Variants in KCNIP4 observed in about 807,000 individuals in gnomAD.
KCNIP4 encodes the protein Kv channel-interacting protein 4.
A neutral mutation model predicts 34.0 loss-of-function variants in KCNIP4; 12 were observed. That is an observed-to-expected ratio of 0.35 (90% CI 0.23 to 0.57). The LOEUF (loss-of-function observed/expected upper bound fraction) is 0.57, where lower values mean the gene tolerates loss of function less well. Ranked by LOEUF, KCNIP4 falls within the 20% of genes least tolerant of loss-of-function variation. The pLI, the probability that KCNIP4 is intolerant of heterozygous loss-of-function variation, is 0.83. For missense variants in KCNIP4, 238 were observed against 311.7 expected (o/e 0.76, Z 1.78); for synonymous variants, 124 against 102.2 (o/e 1.21, Z -1.29).
intron 1 of KCNIP4, among the ~76,000 whole-genome samples, chr4:21,244,620 A>C (rs1266886735): frequency 6.6e-6 from 1 of 152,240 alleles, no homozygotes; most frequent in Non-Finnish European, 1.5e-5. Context: ...AAGCTGAGAC[A>C]TAGAATATTA....
chr4:21,073,243 G>A (rs1403311243), intron 1 of KCNIP4, among the ~76,000 whole-genome samples: 2 of 152,080 alleles, frequency 1.3e-5, no homozygotes, highest in African/African-American at 4.8e-5. Flanking sequence ...GGGCAGTATG[G>A]CCATTTTCAT....
chr4:21,224,697 C>T (rs1411813030), intron 1 of KCNIP4, among the ~76,000 whole-genome samples: 1 of 147,336 alleles, frequency 6.8e-6, no homozygotes, highest in East Asian at 2.0e-4. Flanking sequence ...AGCAATTCTC[C>T]TGCCTCAGCC....
chr4:20,975,502 AT>A (rs1487084049), intron 1 of KCNIP4, among the ~76,000 whole-genome samples: 1 of 152,176 alleles, frequency 6.6e-6, no homozygotes, highest in African/African-American at 2.4e-5. Context: ...TATAACAACT[AT>A]CTAAGTTGGT....
chr4:21,597,519 G>T (rs1368268961), intron 1 of KCNIP4, among the ~76,000 whole-genome samples: 1 of 152,120 alleles, frequency 6.6e-6, no homozygotes, highest in Non-Finnish European at 1.5e-5. Flanking sequence ...ATGAAAGCCA[G>T]GCTTGTCTCA....
chr4:21,604,689 C>T (rs557201431), intron 1 of KCNIP4, among the ~76,000 whole-genome samples: 1 of 152,262 alleles, frequency 6.6e-6, no homozygotes, highest in South Asian at 2.1e-4. Context: ...TTTACACGGA[C>T]TACCTCTGAA....
intron 1 of KCNIP4, among the ~76,000 whole-genome samples, chr4:20,970,104 G>A (rs1322389231): frequency 2.6e-5 from 4 of 152,130 alleles, no homozygotes; most frequent in Non-Finnish European, 4.4e-5. Flanking sequence ...ACCACGCCCG[G>A]CTAATTTTTT....
chr4:21,873,629 A>T (rs1371957901), intron 1 of KCNIP4, among the ~76,000 whole-genome samples: 1 of 152,222 alleles, frequency 6.6e-6, no homozygotes, highest in African/African-American at 2.4e-5. Flanking sequence ...ATGAGACTAA[A>T]CATTTAGGAC....
chr4:21,249,656 TGGA>T (rs1760544948), intron 1 of KCNIP4, among the ~76,000 whole-genome samples: 1 of 152,018 alleles, frequency 6.6e-6, no homozygotes, highest in Non-Finnish European at 1.5e-5. Flanking sequence ...TGCTCAGCAG[TGGA>T]GGAGTTTCAA....
At chr4:21,131,771 G>A (rs1297889876) in intron 1 of KCNIP4, among the ~76,000 whole-genome samples, 1 of 152,108 alleles carries the variant, frequency 6.6e-6, no homozygotes. Flanking sequence ...AGTACACTTT[G>A]GATATGTATA....
intron 1 of KCNIP4, among the ~76,000 whole-genome samples, chr4:21,407,430 A>G (rs1218852421): frequency 6.6e-6 from 1 of 152,192 alleles, no homozygotes; most frequent in Non-Finnish European, 1.5e-5. Flanking sequence ...AGGGAACGTA[A>G]GTGCCATGAA....
chr4:20,771,674 CTTTT>C (rs34800985), intron 3 of KCNIP4, among the ~76,000 whole-genome samples: 2 of 145,474 alleles, frequency 1.4e-5, no homozygotes, highest in South Asian at 2.2e-4. Flanking sequence ...ATAAAACTCA[CTTTT>C]TTTTTTTTTG....
chr4:21,141,844 A>G (rs538829730), intron 1 of KCNIP4, among the ~76,000 whole-genome samples: 1 of 151,852 alleles, frequency 6.6e-6, no homozygotes, highest in Admixed American at 6.6e-5. Flanking sequence ...TTTCAGGATA[A>G]GGAGACAACA....
chr4:21,947,731 G>A (rs1330678232), intron 1 of KCNIP4, among the ~76,000 whole-genome samples: 1 of 152,162 alleles, frequency 6.6e-6, no homozygotes, highest in African/African-American at 2.4e-5. Flanking sequence ...GAGAGGTCCA[G>A]CCCTTTATCA....
intron 1 of KCNIP4, among the ~76,000 whole-genome samples, chr4:21,252,876 A>G (rs1037974405): frequency 1.3e-5 from 2 of 151,986 alleles, no homozygotes; most frequent in Admixed American, 6.6e-5. Context: ...GTCCCATCCT[A>G]AAAGATAAGC....
intron 1 of KCNIP4, among the ~76,000 whole-genome samples, chr4:20,891,014 T>C (rs1475692261): frequency 1.3e-5 from 2 of 152,324 alleles, no homozygotes; most frequent in Non-Finnish European, 1.5e-5. Flanking sequence ...CCATGAATTA[T>C]GAATTCAACA....
chr4:21,389,248 C>A (rs146421523), intron 1 of KCNIP4, among the ~76,000 whole-genome samples: 23 of 151,972 alleles, frequency 1.5e-4, no homozygotes, highest in East Asian at 5.8e-4. Flanking sequence ...CCCAAAGTGC[C>A]GGGATTACAA....
Position 21,389,832 on chromosome 4 carries a change from G to A in KCNIP4, c.62-507123C>T, listed in dbSNP as rs182902250. Among the ~76,000 whole-genome samples the A allele has an allele frequency of 8.5e-3, 1,286 of 152,164 alleles. 18 individuals carry two copies. The highest frequency in any genetic ancestry group is 0.03 in the African/African-American group (1,236 of 41,516). On this transcript the variant is annotated intron_variant, in intron 1 of 8. Coordinates refer to ENST00000382152, the MANE Select transcript of KCNIP4 (RefSeq NM_025221.6). ...GCATATACCCAGTAATAGGATGGCT[G>A]GGTCAAATGGTATTTCTAGTTTTAG...
At chr4:21,349,839 G>A (rs994134035) in intron 1 of KCNIP4, among the ~76,000 whole-genome samples, 1 of 152,114 alleles carries the variant, frequency 6.6e-6, no homozygotes, top group African/African-American at 2.4e-5. Context: ...CAAGTATGGG[G>A]TACAAGCACA....
intron 1 of KCNIP4, among the ~76,000 whole-genome samples, chr4:21,568,932 T>C (rs1740134794): frequency 2.0e-5 from 3 of 152,088 alleles, no homozygotes; most frequent in Admixed American, 2.0e-4. Context: ...GGAAAAACTC[T>C]GGGTAATGCT....
Sources: allele counts gnomAD v4.1 joint callset (sites outside exome capture counted in the v4.1 genomes callset), GRCh38; gene constraint gnomAD v4.1.1; transcripts MANE v1.5; gene names NCBI Gene and HGNC (gene_info 2026-07-23, HGNC 2026-07-21).